Variants in KHDRBS3 observed in about 807,000 individuals in gnomAD.
KHDRBS3 encodes the protein KH RNA binding domain containing, signal transduction associated 3.
KHDRBS3 carries 23 observed loss-of-function variants against 45.6 expected under a neutral mutation model. The observed-to-expected ratio is 0.50, with a 90% CI of 0.36 to 0.72. The LOEUF (loss-of-function observed/expected upper bound fraction) is 0.72. Among genes scored for constraint, KHDRBS3 ranks in the 30% least tolerant of loss-of-function variants. The pLI is 0.00. For missense variants in KHDRBS3, 352 were observed against 424.8 expected, an observed-to-expected ratio of 0.83 and a Z score of 1.51; for synonymous variants, 162 against 156.5, an observed-to-expected ratio of 1.04 and a Z score of -0.26.
At chr8:135,626,201 A>AT (rs1209876870) in intron 7 of KHDRBS3, among the ~76,000 whole-genome samples, 5 of 152,140 alleles carry the variant, frequency 3.3e-5, no homozygotes, top group African/African-American at 1.2e-4. Context: ...CCTATGAAAG[A>AT]TTTTTTTTAA....
At chr8:135,593,865 C>T (rs1211088371) in intron 6 of KHDRBS3, among the ~76,000 whole-genome samples, 2 of 152,126 alleles carry the variant, frequency 1.3e-5, no homozygotes, top group African/African-American at 4.8e-5. Context: ...TAGGGAGGAA[C>T]AAACAGGAAA....
rs1243753897 is a variant in KHDRBS3, at chr8:135,647,325, AT to A, written c.*242del. ...AAATAGGTCATCAAAAGGAAAAAAA[AT>A]AACTTTGATTAACTAGTGTTAAACA... On this transcript the variant is annotated 3_prime_UTR_variant, in exon 9 of 9. Transcript: ENST00000355849. 3 of 319,200 alleles carry A rather than the reference AT, an allele frequency of 9.4e-6. No individual in the cohort carries two copies. Among genetic ancestry groups the A allele is most frequent in the African/African-American group, 2.1e-5 (1 of 46,780 alleles). The allele number at this position is 319,200 out of a possible 1,614,324, so 19.8% of individuals were successfully genotyped here. A position where few individuals can be genotyped will look rare whatever the true frequency, so the allele number is the denominator to read the frequency against.
At chr8:135,584,126 A>G (rs1828344612) in intron 6 of KHDRBS3, among the ~76,000 whole-genome samples, 1 of 152,300 alleles carries the variant, frequency 6.6e-6, no homozygotes, top group East Asian at 1.9e-4. Context: ...GTCAACCTTC[A>G]TTGTTTGATT....
At chr8:135,468,538 A>C (rs73712036) in intron 1 of KHDRBS3, among the ~76,000 whole-genome samples, 1 of 152,142 alleles carries the variant, frequency 6.6e-6, no homozygotes, top group Non-Finnish European at 1.5e-5. Context: ...ATTCTACTCA[A>C]CCTCTGCTGT....
intron 7 of KHDRBS3, among the ~76,000 whole-genome samples, chr8:135,636,214 A>T (rs1057041023): frequency 2.0e-5 from 3 of 152,122 alleles, no homozygotes; most frequent in Non-Finnish European, 4.4e-5. Context: ...TTTCCTTGAG[A>T]TCACCCTTGT....
At chr8:135,571,146 A>G (rs1827683395) in intron 5 of KHDRBS3, among the ~76,000 whole-genome samples, 1 of 152,214 alleles carries the variant, frequency 6.6e-6, no homozygotes, top group East Asian at 1.9e-4. Context: ...CCCGTGCAAC[A>G]TAAAGCTGGA....
chr8:135,593,580 C>T (rs1334783171), intron 6 of KHDRBS3, among the ~76,000 whole-genome samples: 3 of 152,082 alleles, frequency 2.0e-5, no homozygotes, highest in Admixed American at 6.5e-5. Context: ...TGGACTCAAG[C>T]GATCCTCCTG....
In KHDRBS3 at chr8:135,530,249, A is replaced by G. The variant is rs17543138; in HGVS notation, c.207+8894A>G. On this transcript the variant is annotated intron_variant, in intron 2 of 8. Coordinates refer to ENST00000355849, the MANE Select transcript of KHDRBS3 (RefSeq NM_006558.3). The stretch of plus-strand genomic sequence containing the variant: ...GCTTATATATCTTGGATATTACTAT[A>G]CTGATTATTTTGGCTCTGGGCTCCA... Among the ~76,000 whole-genome samples, 363 of 152,270 alleles carry G rather than the reference A, an allele frequency of 2.4e-3. 1 individual carries two copies. Among genetic ancestry groups the G allele is most frequent in the Admixed American group, 4.2e-3 (65 of 15,302 alleles).
chr8:135,558,470 C>G (rs1374157039), intron 5 of KHDRBS3, among the ~76,000 whole-genome samples: 3 of 152,062 alleles, frequency 2.0e-5, no homozygotes, highest in Non-Finnish European at 4.4e-5. Flanking sequence ...TTGTATATCT[C>G]TAAGTTTATT....
intron 1 of KHDRBS3, among the ~76,000 whole-genome samples, chr8:135,486,263 G>A (rs142884037): frequency 6.6e-6 from 1 of 152,032 alleles, no homozygotes; most frequent in African/African-American, 2.4e-5. Flanking sequence ...ATGAAGGAAG[G>A]GTTTTTGTAT....
At chr8:135,552,518 A>G (rs547616890) in intron 4 of KHDRBS3, among the ~76,000 whole-genome samples, 19 of 152,258 alleles carry the variant, frequency 1.2e-4, no homozygotes, top group African/African-American at 3.6e-4. Context: ...CCCTGAGTAT[A>G]GGTCACGTTT....
chr8:135,618,845 G>GGAGCCTGGCACGTGGCACTTAGTA (rs1830023625), intron 7 of KHDRBS3, among the ~76,000 whole-genome samples: 1 of 152,104 alleles, frequency 6.6e-6, no homozygotes, highest in Non-Finnish European at 1.5e-5. Flanking sequence ...ACAGTTTAGT[G>GGAGCCTGGCACGTGGCACTTAGTA]TGGAGCCTGG....
downstream of KHDRBS3, chr8:135,648,251 T>G (rs1273419808): frequency 6.6e-6 from 1 of 152,198 alleles, no homozygotes; most frequent in Admixed American, 6.5e-5. Context: ...TAAATTCTCA[T>G]TTTAAAAAGT....
At chr8:135,490,484 T>C (rs1168662883) in intron 1 of KHDRBS3, among the ~76,000 whole-genome samples, 1 of 152,144 alleles carries the variant, frequency 6.6e-6, no homozygotes. Context: ...CCTGTACATA[T>C]TGAAGGTTAG....
chr8:135,484,402 C>A (rs1822740293), intron 1 of KHDRBS3, among the ~76,000 whole-genome samples: 1 of 152,242 alleles, frequency 6.6e-6, no homozygotes, highest in Non-Finnish European at 1.5e-5. Flanking sequence ...CTGCCTGACA[C>A]CTGGGCTAGG....
chr8:135,507,666 T>G (rs1014029719), intron 1 of KHDRBS3, among the ~76,000 whole-genome samples: 1 of 152,208 alleles, frequency 6.6e-6, no homozygotes, highest in Non-Finnish European at 1.5e-5. Flanking sequence ...TGTGAAGAGA[T>G]AGCATCTGAC....
intron 4 of KHDRBS3, among the ~76,000 whole-genome samples, chr8:135,550,798 A>G (rs778716634): frequency 4.9e-4 from 75 of 152,146 alleles, no homozygotes; most frequent in Non-Finnish European, 8.7e-4. Flanking sequence ...TATTGAATCT[A>G]TAGATCAGTT....
At chr8:135,628,058 C>G (rs1437875261) in intron 7 of KHDRBS3, among the ~76,000 whole-genome samples, 2 of 152,090 alleles carry the variant, frequency 1.3e-5, no homozygotes, top group African/African-American at 4.8e-5. Context: ...TGCTGTTGTT[C>G]TGCTTGGAAT....
In KHDRBS3 at chr8:135,613,552, T is replaced by C. The variant is rs910593198; in HGVS notation, c.890+6515T>C. 7.9e-5 allele frequency among the ~76,000 whole-genome samples: 12 copies of C among 151,636 alleles called. 1 individual carries two copies. Among genetic ancestry groups the C allele is most frequent in the African/African-American group, 2.9e-4 (12 of 41,014 alleles). On this transcript the variant is annotated intron_variant, in intron 7 of 8. Coordinates refer to ENST00000355849, the MANE Select transcript of KHDRBS3 (RefSeq NM_006558.3). ...TGGTTTGCATAGGGAGGTAGCACAGTGTGAGCCCGAGTTCCTGCCATCCTT... is the reference window on the plus strand; with the variant it reads ...TGGTTTGCATAGGGAGGTAGCACAGCGTGAGCCCGAGTTCCTGCCATCCTT...
Sources: gnomAD v4.1 joint callset for allele counts (sites outside exome capture counted in the v4.1 genomes callset) on GRCh38, gnomAD v4.1.1 for gene constraint, MANE v1.5 for transcripts, NCBI Gene and HGNC (gene_info 2026-07-23, HGNC 2026-07-21) for gene names.